The following GLB1L2 variants were observed in gnomAD, a reference collection of about 807,000 sequenced individuals.
The protein encoded by GLB1L2 is beta-galactosidase-1-like protein 2.
In GLB1L2, 68 loss-of-function variants were observed where a neutral mutation model predicts 84.1. The ratio of observed to expected loss-of-function variants is 0.81; its 90% CI spans 0.67 to 0.99. The LOEUF is 0.99. GLB1L2 is among the 50% of genes least tolerant of loss of function. The probability of loss-of-function intolerance (pLI) is 0.00; values close to 1 mark genes in which losing one functional copy is unlikely to be tolerated. For synonymous variants in GLB1L2, 290 were observed against 318.0 expected (o/e 0.91, Z 0.94); for missense variants, 762 against 805.6 (o/e 0.95, Z 0.66).
intron 1 of GLB1L2, 53 bp downstream of exon 1, chr11:134,332,200 C>A: frequency 7.7e-7 from 1 of 1,301,958 alleles, no homozygotes; most frequent in South Asian, 1.3e-5. Flanking sequence ...CCCAGCCCTC[C>A]GCACCTCGGG....
chr11:134,370,940 C>T lies in GLB1L2; in HGVS notation c.1216-68C>T, dbSNP rs1448341508. 1.3e-6 allele frequency: 2 copies of T among 1,580,022 alleles called. No homozygotes were observed. Among genetic ancestry groups the T allele is most frequent in the East Asian group, 2.2e-5 (1 of 44,604 alleles). ...CGCTTCCACCCCATGTGCCAGCCCC[C>T]AGGCAGAGTCTGTCTGTGACCCCAC... On this transcript the variant is annotated intron_variant, in intron 12 of 18. Coordinates refer to ENST00000535456, the MANE Select transcript of GLB1L2 (RefSeq NM_001370461.1). The surrounding 1 kb of genome is among the most constrained non-coding windows in gnomAD (Gnocchi z 4.7).
At chr11:134,352,288 A>G (rs1490808085) in intron 5 of GLB1L2, among the ~76,000 whole-genome samples, 2 of 152,192 alleles carry the variant, frequency 1.3e-5, no homozygotes, top group African/African-American at 4.8e-5. Flanking sequence ...CTGTAAAATC[A>G]GCAGTAATAG....
chr11:134,350,710 A>G (rs1383363846), intron 5 of GLB1L2, among the ~76,000 whole-genome samples: 1 of 152,152 alleles, frequency 6.6e-6, no homozygotes, highest in African/African-American at 2.4e-5. Flanking sequence ...ATCTTGCTCC[A>G]CTGTCTTTTA....
In GLB1L2 at chr11:134,344,368, A is replaced by G; in HGVS notation, c.285-19A>G. The G allele has an allele frequency of 6.2e-7, 1 of 1,613,288 alleles. No individual in the cohort carries two copies. Among genetic ancestry groups the G allele is most frequent in the Non-Finnish European group, 8.5e-7 (1 of 1,179,630 alleles). ...AATGAATGACATGCTCTAGCCTATA[A>G]TTATCATTTCTGTTGCAGCTATGTT... is the stretch of plus-strand genomic sequence containing the variant. On this transcript the variant is annotated intron_variant, in intron 2 of 18. Coordinates refer to ENST00000535456, the MANE Select transcript of GLB1L2 (RefSeq NM_001370461.1).
At chr11:134,342,675 A>G (rs1943484649) in intron 1 of GLB1L2, 79 bp from the exon 2 acceptor site, 1 of 1,387,906 alleles carries the variant, frequency 7.2e-7, no homozygotes, top group East Asian at 2.3e-5. Flanking sequence ...AGAAATGCCG[A>G]GGACCTGCGA....
rs1416819108 is a variant in GLB1L2 at position 134,344,428 on chromosome 11, T to C, written c.326T>C (p.Phe109Ser). The change falls in exon 3 of 19, where the codon TTT (phenylalanine) becomes TCT (serine). Residue 109 changes from phenylalanine to serine, a missense_variant. Physicochemically the swap from Phe to Ser is radical, Grantham distance 155. Around this residue, in one of 3 missense-constraint regions of GLB1L2, gnomAD observed 59 missense variants for 105.1 expected, o/e 0.56. Transcript: ENST00000535456. ...CTGCATGAGCCAGAAAGAGGCAAAT[T>C]TGACTTCTCTGGGAACCTGGACCTG... ...WNLHEPERGK[F>S]DFSGNLDLEA... The C allele has an allele frequency of 1.4e-5, 22 of 1,613,094 alleles. No individual in the cohort carries two copies. The East Asian group carries it at 4.5e-4, about 33-fold the overall frequency.
chr11:134,332,991 G>T (rs1464274844), intron 1 of GLB1L2, among the ~76,000 whole-genome samples: 1 of 152,254 alleles, frequency 6.6e-6, no homozygotes, highest in Non-Finnish European at 1.5e-5. Context: ...ACGGTTGGAA[G>T]TGGTGGCAGG....
chr11:134,374,148 C>A lies in GLB1L2; in HGVS notation c.1599C>A (p.Phe533Leu). ...LDMKKSFFQR[F>L]GLDKWSSLPE... ...CTTCTCTGTGTTCTGTCCTTAGGTT[C>A]GGCCTGGACAAATGGAGTTCCCTCC... The change falls in exon 17 of 19, where the codon TTC becomes TTA. Residue 533 changes from phenylalanine (F) to leucine (L), a missense_variant. This residue lies in a region of GLB1L2 where 603 missense variants were observed against 611.7 expected (regional missense o/e 0.99). Coordinates refer to ENST00000535456, the MANE Select transcript of GLB1L2 (RefSeq NM_001370461.1). The A allele has an allele frequency of 6.2e-7, 1 of 1,610,372 alleles. No individual in the cohort carries two copies. The highest frequency in any genetic ancestry group is 8.5e-7 in the Non-Finnish European group (1 of 1,176,524).
intron 11 of GLB1L2, 81 bp downstream of exon 11, chr11:134,369,966 T>C (rs764263893): frequency 1.0e-4 from 122 of 1,185,148 alleles, no homozygotes; most frequent in Middle Eastern, 2.0e-4. Flanking sequence ...ACTTCCTTAC[T>C]GTCCCACCTC....
Position 134,345,090 on chromosome 11 carries a change from C to G in GLB1L2, c.410C>G (p.Pro137Arg), listed in dbSNP as rs201052489. 2.6e-4 allele frequency: 414 copies of G among 1,612,330 alleles called. 1 individual carries two copies. In the East Asian group the frequency reaches 3.7e-3, roughly 14 times the overall value. ...CTGTGGGTGATTCTGCGTCCAGGCCCCTACATCTGCAGTGAGATGGACCTC... is the reference window on the plus strand; with the variant it reads ...CTGTGGGTGATTCTGCGTCCAGGCCGCTACATCTGCAGTGAGATGGACCTC... ...IGLWVILRPGPYICSEMDLGG... is the reference protein window; with the variant it reads ...IGLWVILRPGRYICSEMDLGG... Residue 137 changes from proline (P) to arginine (R), a missense_variant, in exon 4 of 19, where the codon CCC (proline) becomes CGC (arginine). Around this residue, in one of 3 missense-constraint regions of GLB1L2, gnomAD observed 59 missense variants for 105.1 expected, o/e 0.56. Transcript: ENST00000535456.
chr11:134,374,130 G>A lies in GLB1L2; in HGVS notation c.1596-15G>A, dbSNP rs1490923998. On this transcript the variant is annotated splice_polypyrimidine_tract_variant and intron_variant, in intron 16 of 18. Transcript: ENST00000535456. Reference sequence around the variant, plus strand: ...AAGGGCCTCCTCCCTCTCCTTCTCTGTGTTCTGTCCTTAGGTTCGGCCTGG... The same window carrying A: ...AAGGGCCTCCTCCCTCTCCTTCTCTATGTTCTGTCCTTAGGTTCGGCCTGG... 2 of 1,580,854 alleles carry A rather than the reference G, an allele frequency of 1.3e-6. No homozygotes were observed. Among genetic ancestry groups the A allele is most frequent in the Non-Finnish European group, 1.7e-6 (2 of 1,149,894 alleles).
chr11:134,374,097 G>A (rs1943993331), intron 16 of GLB1L2, 48 bp from the exon 17 acceptor site: 1 of 1,375,314 alleles, frequency 7.3e-7, no homozygotes, highest in Non-Finnish European at 1.0e-6. Flanking sequence ...TTGTGCTGGT[G>A]GATTGAGAAG....
chr11:134,362,285 G>C (rs959593582), intron 7 of GLB1L2, among the ~76,000 whole-genome samples: 1 of 151,706 alleles, frequency 6.6e-6, no homozygotes, highest in Non-Finnish European at 1.5e-5. Flanking sequence ...TCCGAGGGTA[G>C]TTTGCTTTTT....
chr11:134,351,345 C>CTTTTTTTTTTTT (rs367790049), intron 5 of GLB1L2, among the ~76,000 whole-genome samples: 1 of 129,118 alleles, frequency 7.7e-6, no homozygotes, highest in East Asian at 2.4e-4. Context: ...CTTTTTCTTT[C>CTTTTTTTTTTTT]TTTTTTTTTT....
intron 15 of GLB1L2, 146 bp from the exon 16 acceptor site, chr11:134,373,575 T>C: frequency 1.5e-6 from 1 of 661,348 alleles, no homozygotes. Flanking sequence ...GAGCGTACAC[T>C]TCAGTACCCC....
chr11:134,336,936 C>T (rs944269572), intron 1 of GLB1L2, among the ~76,000 whole-genome samples: 5 of 152,144 alleles, frequency 3.3e-5, no homozygotes, highest in African/African-American at 1.2e-4. Context: ...TCAATGGTCC[C>T]AAAGTACTGC....
rs536911061 is a variant in GLB1L2, at chr11:134,344,458, A to G, written c.353+3A>G. The G allele has an allele frequency of 1.9e-6, 3 of 1,612,496 alleles. No homozygotes were observed. Among genetic ancestry groups the G allele is most frequent in the Non-Finnish European group, 2.5e-6 (3 of 1,179,936 alleles). On this transcript the variant is annotated splice_donor_region_variant and intron_variant, in intron 3 of 18. Coordinates refer to ENST00000535456, the MANE Select transcript of GLB1L2 (RefSeq NM_001370461.1). ...TTCTCTGGGAACCTGGACCTGGAGT[A>G]TGTGGTGTTGCTGCTTCTGTGAACT...
At chr11:134,374,813 G>A in intron 18 of GLB1L2, 95 bp downstream of exon 18, 1 of 1,194,476 alleles carries the variant, frequency 8.4e-7, no homozygotes, top group African/African-American at 1.5e-5. Context: ...GTGTCAGCGG[G>A]TTCTTCCTCC....
At chr11:134,350,165 T>G (rs1249322264) in intron 5 of GLB1L2, among the ~76,000 whole-genome samples, 1 of 152,216 alleles carries the variant, frequency 6.6e-6, no homozygotes, top group East Asian at 1.9e-4. Context: ...ACACTGGCTG[T>G]AAGCTCATCC....
Sources: gnomAD v4.1 joint callset for allele counts (sites outside exome capture counted in the v4.1 genomes callset) on GRCh38, gnomAD v4.1.1 for gene constraint, gnomAD v4.1.1 regional missense constraint, Gnocchi (gnomAD v3.1) non-coding constraint, MANE v1.5 for transcripts, NCBI Gene and HGNC (gene_info 2026-07-23, HGNC 2026-07-21) for gene names.